The following LIPE variants were observed in gnomAD, a reference collection of about 807,000 sequenced individuals.
LIPE encodes lipase E, hormone sensitive type, also known as hormone-sensitive lipase.
LIPE carries 66 observed loss-of-function variants against 88.5 expected under a neutral mutation model. That is an observed-to-expected ratio of 0.75 (90% CI 0.61 to 0.91). The LOEUF (loss-of-function observed/expected upper bound fraction) is 0.91, where lower values mean the gene tolerates loss of function less well. Ranked by LOEUF, LIPE falls within the 40% of genes least tolerant of loss-of-function variation. The pLI, the probability that LIPE is intolerant of heterozygous loss-of-function variation, is 0.00. For synonymous variants in LIPE, 570 were observed against 617.5 expected (o/e 0.92, Z 1.14); for missense variants, 1,346 against 1,434.7 (o/e 0.94, Z 1.00).
chr19:42,426,216 AAATG>A (rs2040704435), intron 1 of LIPE, 47 bp downstream of exon 1: 14 of 1,533,416 alleles, frequency 9.1e-6, no homozygotes, highest in Non-Finnish European at 1.2e-5. Context: ...TTTTTTAAGT[AAATG>A]AATGACTGTC....
In LIPE at chr19:42,408,352, C is replaced by A; in HGVS notation, c.1420-30G>T. The stretch of plus-strand genomic sequence containing the variant: ...GGAGAGACGCGGCTGCGTCACCCAC[C>A]GCTCAAGAGAGGGATGGGGACAGGG... On this transcript the variant is annotated intron_variant, in intron 2 of 9. Coordinates refer to ENST00000244289, the MANE Select transcript of LIPE (RefSeq NM_005357.4). The surrounding 1 kb of genome is among the most constrained non-coding windows in gnomAD (Gnocchi z 4.3). 2.3e-5 allele frequency: 36 copies of A among 1,577,736 alleles called. No homozygotes were observed. The highest frequency in any genetic ancestry group is 3.1e-5 in the Non-Finnish European group (35 of 1,147,506).
rs57282318 is a variant in LIPE at position 42,405,976 on chromosome 19, TCACACACACA to T, written c.2365+175_2365+184del. ...GTGTCTGTCTGTCTCTCTCTCTCTCTCACACACACACACACACACACACACACACACACAC... is the reference window on the plus strand; with the variant it reads ...GTGTCTGTCTGTCTCTCTCTCTCTCTCACACACACACACACACACACACAC... On this transcript the variant is annotated intron_variant, in intron 7 of 9. Coordinates refer to ENST00000244289, the MANE Select transcript of LIPE (RefSeq NM_005357.4). The T allele has an allele frequency of 0.015, 6,336 of 418,492 alleles. 282 individuals carry two copies. The highest frequency in any genetic ancestry group is 0.12 in the African/African-American group (5,395 of 44,166). 25.9% of individuals were successfully genotyped at this position (418,492 alleles called of 1,614,324 possible). A position where few individuals can be genotyped will look rare whatever the true frequency, so the allele number is the denominator to read the frequency against.
rs190722818 is a variant in LIPE, at chr19:42,407,532, A to G, written c.1843-64T>C. On this transcript the variant is annotated intron_variant, in intron 5 of 9. Coordinates refer to ENST00000244289, the MANE Select transcript of LIPE (RefSeq NM_005357.4). This position sits in a 1 kb window ranked among gnomAD's most constrained non-coding sequence, Gnocchi z 5.8. Reference sequence around the variant, plus strand: ...GAGCTGGCCAGGGCTGCACCCCTCCATGGGGATGCCAAGGTGGGGGCTGCC... The same window carrying G: ...GAGCTGGCCAGGGCTGCACCCCTCCGTGGGGATGCCAAGGTGGGGGCTGCC... 18,801 of 1,577,148 alleles carry G rather than the reference A, an allele frequency of 0.012. 138 individuals carry two copies. The highest frequency in any genetic ancestry group is 0.013 in the Non-Finnish European group (15,304 of 1,157,642).
At position 42,403,015 on chromosome 19, in the gene LIPE, A is replaced by G; in HGVS notation, c.2559T>C (p.Ser853=). 2.5e-6 allele frequency: 4 copies of G among 1,568,922 alleles called. No homozygotes were observed. Among genetic ancestry groups the G allele is most frequent in the Non-Finnish European group, 3.5e-6 (4 of 1,158,298 alleles). ...GCTGGGCCAGTGCTGCTTCAGACAC[A>G]CTGCGGCGCATCGGCTCTGAGAGAG... ...SEPIAEPMRR[S]VSEAALAQPQ... The change falls in exon 9 of 10, where the codon AGT becomes AGC. Residue 853 remains serine (S), a synonymous_variant. Transcript: ENST00000244289.
At chr19:42,402,531 C>A in intron 9 of LIPE, 76 bp downstream of exon 9, 1 of 1,318,998 alleles carries the variant, frequency 7.6e-7, no homozygotes. Flanking sequence ...CAGGTGTACC[C>A]GTGCCCGGTC....
At chr19:42,423,558 C>G in intron 1 of LIPE, 1 of 1,235,586 alleles carries the variant, frequency 8.1e-7, no homozygotes, top group Non-Finnish European at 1.0e-6. Flanking sequence ...GGTCCTCCCG[C>G]GGGGGCCAAT....
intron 1 of LIPE, 47 bp downstream of exon 1, chr19:42,426,220 G>C: frequency 6.9e-7 from 1 of 1,453,858 alleles, no homozygotes; most frequent in Non-Finnish European, 9.2e-7. Flanking sequence ...TTAAGTAAAT[G>C]AATGACTGTC....
At position 42,426,377 on chromosome 19, in the gene LIPE, A is replaced by G; in HGVS notation, c.773T>C (p.Val258Ala). 1 of 1,613,436 alleles carries G rather than the reference A, an allele frequency of 6.2e-7. No individual in the cohort carries two copies. Among genetic ancestry groups the G allele is most frequent in the Middle Eastern group, 1.6e-4 (1 of 6,062 alleles). The change falls in exon 1 of 10, where the codon GTG becomes GCG. Residue 258 changes from valine to alanine, a missense_variant. By Grantham distance (64) the Val-to-Ala change is moderately conservative. Coordinates refer to ENST00000244289, the MANE Select transcript of LIPE (RefSeq NM_005357.4). The part of the protein sequence containing the change: ...ATMGGMVAQG[V>A]KLGFKGKSGY... The stretch of plus-strand genomic sequence containing the variant: ...AGATTTTCCTTTGAAGCCTAGCTTC[A>G]CTCCCTGGGCCACCATTCCACCCAT...
Position 42,402,651 on chromosome 19 carries a change from C to G in LIPE, c.2923G>C (p.Ala975Pro). Residue 975 changes from alanine to proline, a missense_variant, in exon 9 of 10, where the codon GCA becomes CCA. Coordinates refer to ENST00000244289, the MANE Select transcript of LIPE (RefSeq NM_005357.4). ...VKNPFMSPLL[A>P]PDSMLKSLPP... ...AGGCTCTTGAGCATGCTGTCGGGTGCCAGCAGCGGCGACATGAAGGGGTTC... is the reference window on the plus strand; with the variant it reads ...AGGCTCTTGAGCATGCTGTCGGGTGGCAGCAGCGGCGACATGAAGGGGTTC... The G allele has an allele frequency of 6.7e-7, 1 of 1,497,446 alleles. No individual in the cohort carries two copies. The highest frequency in any genetic ancestry group is 8.9e-7 in the Non-Finnish European group (1 of 1,121,286). 92.8% of individuals were successfully genotyped at this position (1,497,446 alleles called of 1,614,324 possible). A position where few individuals can be genotyped will look rare whatever the true frequency, so the allele number is the denominator to read the frequency against.
intron 9 of LIPE, 46 bp from the exon 10 acceptor site, chr19:42,402,121 C>A: frequency 7.0e-7 from 1 of 1,421,022 alleles, no homozygotes. Flanking sequence ...GGGGGACAGA[C>A]AGACCGGGGT....
chr19:42,422,791 C>T (rs1259627520), intron 1 of LIPE, among the ~76,000 whole-genome samples: 4 of 152,268 alleles, frequency 2.6e-5, no homozygotes, highest in South Asian at 2.1e-4. Context: ...GGTCTGAAGC[C>T]AAGCCAGGGC....
intron 1 of LIPE, chr19:42,411,407 C>T: frequency 6.7e-6 from 6 of 893,238 alleles, no homozygotes; most frequent in Non-Finnish European, 8.0e-6. Context: ...TCCAGTTGGT[C>T]CCCATTCTCA....
chr19:42,426,964 C>T lies in LIPE; in HGVS notation c.186G>A (p.Glu62=). ...ASNQRPLTQQ[E]TPAQHDAESQ... The stretch of plus-strand genomic sequence containing the variant: ...ATTCAGCATCATGTTGTGCAGGGGT[C>T]TCCTGCTGGGTGAGGGGTCTTTGGT... Residue 62 remains glutamate, a synonymous_variant, in exon 1 of 10, where the codon GAG becomes GAA. Coordinates refer to ENST00000244289, the MANE Select transcript of LIPE (RefSeq NM_005357.4). 1.2e-6 allele frequency: 2 copies of T among 1,614,066 alleles called. No individual in the cohort carries two copies. The highest frequency in any genetic ancestry group is 8.5e-7 in the Non-Finnish European group (1 of 1,180,012).
rs911721014 is a variant in LIPE at position 42,402,221 on chromosome 19, A to G, written c.2968-146T>C. ...ACGGAGGCAGGAGACATGGTGGGTG[A>G]GGAGTTGGGGAGAGAATGGAGGGAA... On this transcript the variant is annotated intron_variant, in intron 9 of 9. Transcript: ENST00000244289. The G allele has an allele frequency of 2.0e-5, 15 of 761,858 alleles. No homozygotes were observed. The African/African-American group carries it at 2.6e-4, about 13-fold the overall frequency. 47.2% of individuals were successfully genotyped at this position (761,858 alleles called of 1,614,324 possible). A position where few individuals can be genotyped will look rare whatever the true frequency, so the allele number is the denominator to read the frequency against.
In LIPE at chr19:42,409,377, C is replaced by A. The variant is rs565954443; in HGVS notation, c.1419+930G>T. On this transcript the variant is annotated intron_variant, in intron 2 of 9. Coordinates refer to ENST00000244289, the MANE Select transcript of LIPE (RefSeq NM_005357.4). Reference sequence around the variant, plus strand: ...GACCAGCCTGGCCAACATGGTGAAACCCCATCTCTACTAAACAAAATACAA... The same window carrying A: ...GACCAGCCTGGCCAACATGGTGAAAACCCATCTCTACTAAACAAAATACAA... 4.7e-5 allele frequency among the ~76,000 whole-genome samples: 7 copies of A among 148,322 alleles called. No homozygotes were observed. In the East Asian group the frequency reaches 1.4e-3, roughly 29 times the overall value.
chr19:42,418,824 A>G lies in LIPE; in HGVS notation c.883+7443T>C, dbSNP rs1327106323. ...ATTGAACCCCAAATATCTCTGAGAC[A>G]TGCCTGAATTTATATTGTTTGCTCT... On this transcript the variant is annotated intron_variant, in intron 1 of 9. Transcript: ENST00000244289. Among the ~76,000 whole-genome samples, 10 of 152,296 alleles carry G rather than the reference A, an allele frequency of 6.6e-5. No homozygotes were observed. In the East Asian group the frequency reaches 1.7e-3, roughly 26 times the overall value.
chr19:42,406,079 A>G lies in LIPE; in HGVS notation c.2365+82T>C. ...GCCTGGCCTCTCCTTCCTCAGTCACAGGAGTCCTGGTCCCCAGCCCGTCCC... is the reference window on the plus strand; with the variant it reads ...GCCTGGCCTCTCCTTCCTCAGTCACGGGAGTCCTGGTCCCCAGCCCGTCCC... On this transcript the variant is annotated intron_variant, in intron 7 of 9. Transcript: ENST00000244289. This position sits in a 1 kb window ranked among gnomAD's most constrained non-coding sequence, Gnocchi z 5.7. 8.0e-7 allele frequency: 1 copy of G among 1,242,852 alleles called. No homozygotes were observed. The highest frequency in any genetic ancestry group is 1.1e-6 in the Non-Finnish European group (1 of 878,628). The allele number at this position is 1,242,852 out of a possible 1,614,324, so 77.0% of individuals were successfully genotyped here.
In LIPE at chr19:42,406,856, G is replaced by C. The variant is rs1458621453; in HGVS notation, c.2137+318C>G. On this transcript the variant is annotated intron_variant, in intron 6 of 9. Coordinates refer to ENST00000244289, the MANE Select transcript of LIPE (RefSeq NM_005357.4). The surrounding 1 kb of genome is among the most constrained non-coding windows in gnomAD (Gnocchi z 5.7). Reference sequence around the variant, plus strand: ...TTGATCTTCGAAGAGGGAGGTCAGAGAAGCTGGACTGTGGGCCAGGAGGCT... The same window carrying C: ...TTGATCTTCGAAGAGGGAGGTCAGACAAGCTGGACTGTGGGCCAGGAGGCT... Among the ~76,000 whole-genome samples, 1 of 152,234 alleles carries C rather than the reference G, an allele frequency of 6.6e-6. No homozygotes were observed. The highest frequency in any genetic ancestry group is 1.5e-5 in the Non-Finnish European group (1 of 68,052).
At chr19:42,412,280 C>T (rs957828701) in intron 1 of LIPE, 10 of 985,448 alleles carry the variant, frequency 1.0e-5, no homozygotes, top group Non-Finnish European at 1.1e-5. Flanking sequence ...TTGCCTGTTC[C>T]CCTAGAAGAA....
Sources: allele counts gnomAD v4.1 joint callset (sites outside exome capture counted in the v4.1 genomes callset), GRCh38; gene constraint gnomAD v4.1.1; non-coding constraint Gnocchi (gnomAD v3.1); transcripts MANE v1.5; gene names NCBI Gene and HGNC (gene_info 2026-07-23, HGNC 2026-07-21).